LPP: variants seen among roughly 807,000 people sequenced by gnomAD.
The protein encoded by LPP is LIM domain containing preferred translocation partner in lipoma, also known as lipoma-preferred partner.
Under a neutral mutation model 60.4 loss-of-function variants are expected in LPP, and 38 were observed. That is an observed-to-expected ratio of 0.63 (90% confidence interval 0.49 to 0.83). The LOEUF is 0.83. Among genes scored for constraint, LPP ranks in the 40% least tolerant of loss-of-function variants. LPP has a pLI of 0.00. For synonymous variants in LPP, 328 were observed against 290.8 expected, an observed-to-expected ratio of 1.13 and a Z score of -1.30; for missense variants, 902 against 783.6, an observed-to-expected ratio of 1.15 and a Z score of -1.80.
At chr3:188,721,497 T>A (rs1716369082) in intron 8 of LPP, among the ~76,000 whole-genome samples, 1 of 152,164 alleles carries the variant, frequency 6.6e-6, no homozygotes, top group African/African-American at 2.4e-5. Context: ...AACGGTGCAG[T>A]GAGCCGTGAT....
chr3:188,574,388 C>T (rs1834149220), intron 6 of LPP, among the ~76,000 whole-genome samples: 1 of 152,162 alleles, frequency 6.6e-6, no homozygotes. Context: ...CACCATTTAT[C>T]TTCATTTTAA....
intron 4 of LPP, among the ~76,000 whole-genome samples, chr3:188,484,171 A>G (rs1805632329): frequency 6.6e-6 from 1 of 152,118 alleles, no homozygotes; most frequent in Non-Finnish European, 1.5e-5. Context: ...CCTCCACTTT[A>G]TCTTAATTTC....
intron 3 of LPP, among the ~76,000 whole-genome samples, chr3:188,369,866 G>C (rs1262810491): frequency 6.6e-6 from 1 of 152,160 alleles, no homozygotes; most frequent in African/African-American, 2.4e-5. Flanking sequence ...GGATTCTTCT[G>C]TTCTGTCATT....
chr3:188,555,439 C>T (rs1399847989), intron 6 of LPP, among the ~76,000 whole-genome samples: 2 of 152,102 alleles, frequency 1.3e-5, no homozygotes, highest in African/African-American at 4.8e-5. Context: ...AAATTACAAT[C>T]AAACTCAAAA....
chr3:188,252,933 A>G (rs1730407842), intron 2 of LPP, among the ~76,000 whole-genome samples: 1 of 152,012 alleles, frequency 6.6e-6, no homozygotes, highest in Admixed American at 6.6e-5. Context: ...CACCATACCA[A>G]GCTAATTTTT....
chr3:188,645,072 A>C (rs891137280), intron 7 of LPP, among the ~76,000 whole-genome samples: 1 of 152,202 alleles, frequency 6.6e-6, no homozygotes, highest in Admixed American at 6.5e-5. Context: ...GTGAATACCT[A>C]GCCGCTTCTG....
intron 3 of LPP, among the ~76,000 whole-genome samples, chr3:188,391,084 C>G (rs1462764691): frequency 6.6e-6 from 1 of 152,104 alleles, no homozygotes; most frequent in Non-Finnish European, 1.5e-5. Flanking sequence ...GACTTAAATC[C>G]AAGTAAATTC....
chr3:188,159,796 A>C (rs9867814), intron 1 of LPP, among the ~76,000 whole-genome samples: 1 of 152,162 alleles, frequency 6.6e-6, no homozygotes, highest in South Asian at 2.1e-4. Flanking sequence ...GAGATTAACT[A>C]TGCCAAGGTT....
At chr3:188,197,404 A>T (rs1560102372) in intron 1 of LPP, among the ~76,000 whole-genome samples, 1 of 151,982 alleles carries the variant, frequency 6.6e-6, no homozygotes, top group Non-Finnish European at 1.5e-5. Context: ...GGGTTATATA[A>T]CTCGGCAGAG....
chr3:188,437,094 C>A (rs1792509597), intron 4 of LPP, among the ~76,000 whole-genome samples: 1 of 152,132 alleles, frequency 6.6e-6, no homozygotes, highest in Admixed American at 6.6e-5. Context: ...CCTTATTTAG[C>A]CATTTATACA....
intron 4 of LPP, among the ~76,000 whole-genome samples, chr3:188,464,717 T>G (rs1799938228): frequency 6.6e-6 from 1 of 152,144 alleles, no homozygotes; most frequent in Non-Finnish European, 1.5e-5. Context: ...TCTACCTGTT[T>G]CATAACTTAG....
At chr3:188,270,589 A>G (rs369130819) in intron 2 of LPP, among the ~76,000 whole-genome samples, 1 of 152,244 alleles carries the variant, frequency 6.6e-6, no homozygotes, top group African/African-American at 2.4e-5. Flanking sequence ...GCTCAGTGCC[A>G]TATATGGCGA....
chr3:188,540,274 T>C (rs1824798168), intron 6 of LPP, among the ~76,000 whole-genome samples: 1 of 152,216 alleles, frequency 6.6e-6, no homozygotes. Flanking sequence ...TGCCCCGTAT[T>C]AAAGAAAAAC....
chr3:188,318,960 G>A (rs1025801257), intron 2 of LPP, among the ~76,000 whole-genome samples: 19 of 151,352 alleles, frequency 1.3e-4, no homozygotes, highest in Non-Finnish European at 1.9e-4. Flanking sequence ...GGGTTTCACC[G>A]TTTTAGCCGG....
chr3:188,276,045 TGAACA>T (rs1480903285), intron 2 of LPP, among the ~76,000 whole-genome samples: 1 of 152,232 alleles, frequency 6.6e-6, no homozygotes, highest in African/African-American at 2.4e-5. Flanking sequence ...TTTGAAAGAC[TGAACA>T]GAAGTGTGAC....
Position 188,393,898 on chromosome 3 carries a change from A to G in LPP, c.-9-12214A>G, listed in dbSNP as rs575532978. Reference sequence around the variant, plus strand: ...GGGTTTCCAGTCTGGCTTATAGCATACTGGAGATACTAGGGCAATAATGCA... The same window carrying G: ...GGGTTTCCAGTCTGGCTTATAGCATGCTGGAGATACTAGGGCAATAATGCA... On this transcript the variant is annotated intron_variant, in intron 3 of 11. Transcript: ENST00000617246. Among the ~76,000 whole-genome samples the G allele has an allele frequency of 4.7e-4, 72 of 152,296 alleles. 1 individual carries two copies. The highest frequency in any genetic ancestry group is 1.7e-3 in the African/African-American group (70 of 41,558).
intron 7 of LPP, among the ~76,000 whole-genome samples, chr3:188,647,582 G>T (rs780363959): frequency 1.1e-4 from 16 of 152,086 alleles, no homozygotes; most frequent in Admixed American, 2.0e-4. Flanking sequence ...ACTTTCAAGA[G>T]ACAATAAAGG....
intron 1 of LPP, among the ~76,000 whole-genome samples, chr3:188,156,517 T>C (rs1459842860): frequency 6.6e-6 from 1 of 152,032 alleles, no homozygotes. Context: ...CCAATTCCAA[T>C]GAGAGAGGTA....
intron 7 of LPP, among the ~76,000 whole-genome samples, chr3:188,663,518 C>T (rs1029832708): frequency 8.5e-5 from 13 of 152,152 alleles, no homozygotes; most frequent in African/African-American, 2.9e-4. Flanking sequence ...TCACGTACAT[C>T]GCTACTTAAA....
Sources: gnomAD v4.1 joint callset for allele counts (sites outside exome capture counted in the v4.1 genomes callset) on GRCh38, gnomAD v4.1.1 for gene constraint, MANE v1.5 for transcripts, NCBI Gene and HGNC (gene_info 2026-07-23, HGNC 2026-07-21) for gene names.